FHIT: variants seen among roughly 807,000 people sequenced by gnomAD.
FHIT encodes the protein bis(5'-adenosyl)-triphosphatase.
In FHIT, 19 loss-of-function variants were observed where a neutral mutation model predicts 17.9. The ratio of observed to expected loss-of-function variants is 1.06; its 90% CI spans 0.74 to 1.56. FHIT has a LOEUF of 1.56. Among genes scored for constraint, FHIT ranks in the 40% most tolerant of loss-of-function variants. FHIT has a pLI of 0.00. For synonymous variants in FHIT, 81 were observed against 69.7 expected (o/e 1.16, Z -0.81); for missense variants, 248 against 189.2 (o/e 1.31, Z -1.82).
At chr3:60,506,137 T>A (rs1042599679) in intron 5 of FHIT, among the ~76,000 whole-genome samples, 1 of 152,210 alleles carries the variant, frequency 6.6e-6, no homozygotes. Context: ...ACAGACAATA[T>A]AATTGAGCTT....
intron 5 of FHIT, among the ~76,000 whole-genome samples, chr3:60,112,316 C>A (rs994870817): frequency 3.9e-5 from 6 of 152,124 alleles, no homozygotes; most frequent in Non-Finnish European, 8.8e-5. Flanking sequence ...TGTCTTGGAG[C>A]CATAGTAAAA....
intron 8 of FHIT, among the ~76,000 whole-genome samples, chr3:59,758,037 C>CCTAA (rs772541866): frequency 1.3e-5 from 2 of 152,148 alleles, no homozygotes; most frequent in Non-Finnish European, 2.9e-5. Context: ...TTAATACTGG[C>CCTAA]CTAACTACCG....
At chr3:60,104,424 T>A (rs542635828) in intron 5 of FHIT, among the ~76,000 whole-genome samples, 1 of 151,466 alleles carries the variant, frequency 6.6e-6, no homozygotes, top group Non-Finnish European at 1.5e-5. Flanking sequence ...ATATTCAGAA[T>A]AGCAAAAAGC....
chr3:59,827,092 C>A (rs995489526), intron 8 of FHIT, among the ~76,000 whole-genome samples: 3 of 152,294 alleles, frequency 2.0e-5, no homozygotes, highest in African/African-American at 7.2e-5. Context: ...GCTTTTGAGC[C>A]TGACTTCATG....
At chr3:59,846,700 G>A (rs1334504913) in intron 8 of FHIT, among the ~76,000 whole-genome samples, 1 of 152,090 alleles carries the variant, frequency 6.6e-6, no homozygotes, top group African/African-American at 2.4e-5. Context: ...TCAAGTTACT[G>A]TCTAGCATCA....
intron 5 of FHIT, among the ~76,000 whole-genome samples, chr3:60,229,956 T>C (rs1704412441): frequency 6.6e-6 from 1 of 152,288 alleles, no homozygotes; most frequent in Admixed American, 6.5e-5. Flanking sequence ...CACTCCAGCC[T>C]GGCCAACAGC....
rs550262503 is a variant in FHIT, at chr3:60,272,891, G to A, written c.104-258739C>T. Among the ~76,000 whole-genome samples, 9 of 152,322 alleles carry A rather than the reference G, an allele frequency of 5.9e-5. No homozygotes were observed. The South Asian group carries it at 1.9e-3, about 32-fold the overall frequency. On this transcript the variant is annotated intron_variant, in intron 5 of 9. Transcript: ENST00000492590. ...CTAACAAAAGCAAGTGACTGGCAAT[G>A]AGGGTAAATCAGGCCTCCCTTGAGT...
At chr3:60,473,031 G>T (rs1305887647) in intron 5 of FHIT, among the ~76,000 whole-genome samples, 3 of 152,096 alleles carry the variant, frequency 2.0e-5, no homozygotes, top group African/African-American at 4.8e-5. Context: ...CCAATGAAAT[G>T]CATGTCCCAG....
intron 3 of FHIT, among the ~76,000 whole-genome samples, chr3:60,874,175 G>A (rs1295864963): frequency 6.6e-6 from 1 of 152,134 alleles, no homozygotes; most frequent in Non-Finnish European, 1.5e-5. Context: ...TACCTACATT[G>A]TAGGGCTGTC....
chr3:60,672,416 T>TC (rs1213027616), intron 4 of FHIT, among the ~76,000 whole-genome samples: 1 of 151,930 alleles, frequency 6.6e-6, no homozygotes, highest in Admixed American at 6.6e-5. Flanking sequence ...CGCAAGGTGC[T>TC]CAGTGGGGGT....
intron 5 of FHIT, among the ~76,000 whole-genome samples, chr3:60,051,258 C>A (rs1265913136): frequency 6.6e-6 from 1 of 151,520 alleles, no homozygotes; most frequent in Non-Finnish European, 1.5e-5. Context: ...AATTTGAGTC[C>A]CTACCTAAGG....
chr3:61,140,022 CAAA>C (rs112352685), intron 2 of FHIT, among the ~76,000 whole-genome samples: 5 of 110,036 alleles, frequency 4.5e-5, no homozygotes. Context: ...CAAGAGAAAG[CAAA>C]AAAAAAAAAA....
intron 5 of FHIT, among the ~76,000 whole-genome samples, chr3:60,206,171 A>AATAATTATT (rs1559727175): frequency 6.9e-6 from 1 of 143,938 alleles, no homozygotes; most frequent in Admixed American, 6.9e-5. Context: ...TAATAATAAT[A>AATAATTATT]ATTATAACAC....
At chr3:61,154,297 C>T (rs2037474687) in intron 2 of FHIT, among the ~76,000 whole-genome samples, 5 of 152,008 alleles carry the variant, frequency 3.3e-5, no homozygotes, top group Admixed American at 2.6e-4. Flanking sequence ...TAACAATTGA[C>T]ATTAAGTATA....
intron 5 of FHIT, among the ~76,000 whole-genome samples, chr3:60,154,128 C>A (rs1033217617): frequency 6.6e-6 from 1 of 152,204 alleles, no homozygotes; most frequent in African/African-American, 2.4e-5. Flanking sequence ...CCCACTTAGG[C>A]CTAGTGTTCC....
intron 5 of FHIT, among the ~76,000 whole-genome samples, chr3:60,120,351 T>C (rs1390760815): frequency 6.6e-6 from 1 of 152,216 alleles, no homozygotes; most frequent in Admixed American, 6.5e-5. Flanking sequence ...GAATTGATTC[T>C]GAGGCAGGGT....
intron 5 of FHIT, among the ~76,000 whole-genome samples, chr3:60,346,556 G>A (rs2106923578): frequency 6.6e-6 from 1 of 152,256 alleles, no homozygotes; most frequent in Admixed American, 6.5e-5. Context: ...GGACCTGTTA[G>A]CAGGAATCCC....
intron 5 of FHIT, among the ~76,000 whole-genome samples, chr3:60,203,932 C>T (rs1703035353): frequency 6.6e-6 from 1 of 151,870 alleles, no homozygotes; most frequent in African/African-American, 2.4e-5. Context: ...GGATGGTTAA[C>T]AGAGGCTGGG....
At chr3:60,441,794 A>ATGTGTGTGTGTG (rs369962868) in intron 5 of FHIT, among the ~76,000 whole-genome samples, 711 of 47,010 alleles carry the variant, frequency 0.015, 37 homozygotes, top group Non-Finnish European at 0.022. Context: ...ATATATATAT[A>ATGTGTGTGTGTG]TATATATATA....
Sources: gnomAD v4.1 joint callset for allele counts (sites outside exome capture counted in the v4.1 genomes callset) on GRCh38, gnomAD v4.1.1 for gene constraint, MANE v1.5 for transcripts, NCBI Gene and HGNC (gene_info 2026-07-23, HGNC 2026-07-21) for gene names.